PCDH15: variants seen among roughly 807,000 people sequenced by gnomAD.
PCDH15 encodes the protein protocadherin-15.
PCDH15 carries 129 observed loss-of-function variants against 178.5 expected under a neutral mutation model. The ratio of observed to expected loss-of-function variants is 0.72; its 90% confidence interval spans 0.63 to 0.84. PCDH15 has a LOEUF of 0.84. Ranked by LOEUF, PCDH15 falls within the 40% of genes least tolerant of loss-of-function variation. The pLI is 0.00. For synonymous variants in PCDH15, 800 were observed against 732.0 expected (o/e 1.09, Z -1.50); for missense variants, 2,230 against 2,099.9 (o/e 1.06, Z -1.21).
At chr10:55,604,427 A>G (rs1486350842) in intron 2 of PCDH15, among the ~76,000 whole-genome samples, 3 of 152,006 alleles carry the variant, frequency 2.0e-5, no homozygotes, top group Non-Finnish European at 4.4e-5. Context: ...TCCACCCCAT[A>G]TCAACGGAAT....
intron 32 of PCDH15, chr10:53,821,735 A>T: frequency 6.5e-7 from 1 of 1,529,854 alleles, no homozygotes; most frequent in Non-Finnish European, 8.7e-7. Flanking sequence ...AACGAGAAAA[A>T]AAACTGCATT....
intron 2 of PCDH15, among the ~76,000 whole-genome samples, chr10:55,101,292 G>T (rs115429783): frequency 0.04 from 6,145 of 151,952 alleles, 300 homozygotes; most frequent in East Asian, 0.14. Flanking sequence ...TGAAGTGGCA[G>T]AATCGCTTGA....
At chr10:54,023,246 G>T (rs1397246215) in intron 18 of PCDH15, 49 bp from the exon 19 acceptor site, 6 of 1,550,314 alleles carry the variant, frequency 3.9e-6, no homozygotes, top group East Asian at 2.3e-5. Flanking sequence ...GTTTTGACGG[G>T]CTACTGTAAA....
intron 1 of PCDH15, among the ~76,000 whole-genome samples, chr10:55,249,635 T>A (rs1190035139): frequency 6.6e-6 from 1 of 152,166 alleles, no homozygotes; most frequent in African/African-American, 2.4e-5. Flanking sequence ...AATCTTCTAA[T>A]TGTTGTATTA....
intron 5 of PCDH15, among the ~76,000 whole-genome samples, chr10:54,367,339 G>A (rs910216138): frequency 3.3e-5 from 5 of 151,502 alleles, no homozygotes; most frequent in African/African-American, 1.2e-4. Context: ...GAAAAGTAGA[G>A]TTGCATGATT....
At chr10:55,376,205 C>A (rs1420447854) in intron 2 of PCDH15, among the ~76,000 whole-genome samples, 1 of 151,948 alleles carries the variant, frequency 6.6e-6, no homozygotes, top group Non-Finnish European at 1.5e-5. Context: ...CACAGGCAAC[C>A]AAATACTATG....
chr10:55,044,752 T>C (rs575179653), intron 2 of PCDH15, among the ~76,000 whole-genome samples: 3 of 152,094 alleles, frequency 2.0e-5, no homozygotes, highest in African/African-American at 7.2e-5. Flanking sequence ...GTATAAGTTC[T>C]CCAACATTTT....
At chr10:54,145,295 A>G (rs2043796881) in intron 14 of PCDH15, among the ~76,000 whole-genome samples, 2 of 152,076 alleles carry the variant, frequency 1.3e-5, no homozygotes, top group South Asian at 4.1e-4. Flanking sequence ...TCTATTATAT[A>G]TGTCAATATG....
chr10:53,831,039 A>T (rs2132630348), intron 30 of PCDH15: 1 of 632,584 alleles, frequency 1.6e-6, no homozygotes, highest in East Asian at 3.1e-5. Flanking sequence ...ACAAAAGAAG[A>T]GCATAAACAA....
chr10:55,159,947 T>C (rs1839017714), intron 2 of PCDH15, among the ~76,000 whole-genome samples: 1 of 151,854 alleles, frequency 6.6e-6, no homozygotes, highest in Non-Finnish European at 1.5e-5. Flanking sequence ...CCATCTTATG[T>C]GCTTCTGAAC....
At chr10:53,971,099 G>A (rs1029443883) in intron 21 of PCDH15, among the ~76,000 whole-genome samples, 6 of 152,038 alleles carry the variant, frequency 3.9e-5, no homozygotes, top group African/African-American at 1.5e-4. Context: ...ACAATCAAGT[G>A]GGCCTCATCC....
At chr10:55,104,044 T>C (rs1413457533) in intron 2 of PCDH15, among the ~76,000 whole-genome samples, 1 of 152,010 alleles carries the variant, frequency 6.6e-6, no homozygotes, top group African/African-American at 2.4e-5. Flanking sequence ...GCAGTCTTGA[T>C]TTAAATACCC....
At chr10:54,291,482 C>T (rs1267070277) in intron 8 of PCDH15, among the ~76,000 whole-genome samples, 1 of 152,078 alleles carries the variant, frequency 6.6e-6, no homozygotes, top group East Asian at 1.9e-4. Context: ...CAGAGCAGAA[C>T]TGAAGGAGAT....
chr10:54,235,943 A>AT lies in PCDH15; in HGVS notation c.985+879dup, dbSNP rs151149905. Among the ~76,000 whole-genome samples, 596 of 152,272 alleles carry AT rather than the reference A, an allele frequency of 3.9e-3. 3 individuals are homozygous for AT. Among genetic ancestry groups the AT allele is most frequent in the African/African-American group, 0.014 (562 of 41,554 alleles). On this transcript the variant is annotated intron_variant, in intron 9 of 37. Coordinates refer to ENST00000644397, the MANE Select transcript of PCDH15 (RefSeq NM_001384140.1). ...AAAGGCTTGAAACAGAATTGCTTGA[A>AT]TTTTCTTTACAGACAGCATTTCTAA...
intron 2 of PCDH15, among the ~76,000 whole-genome samples, chr10:54,595,680 C>T (rs79928776): frequency 6.6e-6 from 1 of 152,038 alleles, no homozygotes; most frequent in African/African-American, 2.4e-5. Flanking sequence ...GTTGAAACCA[C>T]ATCTAAGGAA....
At chr10:55,005,036 A>G (rs1358058226) in intron 2 of PCDH15, among the ~76,000 whole-genome samples, 1 of 152,046 alleles carries the variant, frequency 6.6e-6, no homozygotes, top group East Asian at 1.9e-4. Flanking sequence ...TTGATAAAAA[A>G]TGAATAAGAT....
intron 3 of PCDH15, among the ~76,000 whole-genome samples, chr10:54,462,623 T>A (rs1378594461): frequency 1.4e-5 from 2 of 141,736 alleles, no homozygotes; most frequent in Non-Finnish European, 3.0e-5. Context: ...CAAGGAATTC[T>A]CCTGCCTCAG....
chr10:54,005,225 G>A (rs535958872), intron 20 of PCDH15, among the ~76,000 whole-genome samples: 77 of 152,078 alleles, frequency 5.1e-4, no homozygotes, highest in Non-Finnish European at 8.2e-4. Flanking sequence ...GAAAACATGC[G>A]GAAACTCTCC....
At chr10:55,416,422 A>G (rs977850194) in intron 2 of PCDH15, among the ~76,000 whole-genome samples, 1 of 151,824 alleles carries the variant, frequency 6.6e-6, no homozygotes, top group African/African-American at 2.4e-5. Flanking sequence ...ATTTTTATTC[A>G]GGATGACTAT....
Sources: allele counts gnomAD v4.1 joint callset (sites outside exome capture counted in the v4.1 genomes callset), GRCh38; gene constraint gnomAD v4.1.1; transcripts MANE v1.5; gene names NCBI Gene and HGNC (gene_info 2026-07-23, HGNC 2026-07-21).